Variants in SYT16 observed in about 807,000 individuals in gnomAD.
SYT16 encodes synaptotagmin-16.
A neutral mutation model predicts 61.4 loss-of-function variants in SYT16; 42 were observed. The observed-to-expected ratio is 0.68, with a 90% confidence interval of 0.53 to 0.89. The LOEUF (loss-of-function observed/expected upper bound fraction) is 0.89. Ranked by LOEUF, SYT16 falls within the 40% of genes least tolerant of loss-of-function variation. The pLI, the probability that SYT16 is intolerant of heterozygous loss-of-function variation, is 0.00. For missense variants in SYT16, 804 were observed against 807.3 expected (o/e 1.00, Z 0.05); for synonymous variants, 314 against 302.3 (o/e 1.04, Z -0.40).
At chr14:62,054,228 A>G (rs891197202) in intron 3 of SYT16, among the ~76,000 whole-genome samples, 1 of 151,662 alleles carries the variant, frequency 6.6e-6, no homozygotes, top group Non-Finnish European at 1.5e-5. Flanking sequence ...TTATTATTAG[A>G]TTTTATCAGG....
intron 1 of SYT16, among the ~76,000 whole-genome samples, chr14:61,928,868 G>A (rs1040831493): frequency 3.9e-5 from 6 of 152,120 alleles, no homozygotes; most frequent in Admixed American, 6.6e-5. Flanking sequence ...ATAAAAGCAC[G>A]TCCCAAAGCA....
intron 3 of SYT16, among the ~76,000 whole-genome samples, chr14:62,005,266 T>G (rs890438540): frequency 6.6e-6 from 1 of 152,168 alleles, no homozygotes; most frequent in Non-Finnish European, 1.5e-5. Context: ...TTCCTAGTCC[T>G]TTGGGAAGAA....
chr14:62,026,392 G>C (rs1301646620), intron 3 of SYT16, among the ~76,000 whole-genome samples: 1 of 152,162 alleles, frequency 6.6e-6, no homozygotes, highest in Non-Finnish European at 1.5e-5. Context: ...ACTGGTATCT[G>C]GTGTCTGGTG....
At chr14:61,889,201 G>A (rs1011961723) in intron 1 of SYT16, among the ~76,000 whole-genome samples, 2 of 152,190 alleles carry the variant, frequency 1.3e-5, no homozygotes, top group Non-Finnish European at 2.9e-5. Flanking sequence ...TAACCACTGA[G>A]CAGGGTAGGG....
chr14:61,851,999 T>C (rs1187580857), intron 1 of SYT16, among the ~76,000 whole-genome samples: 1 of 152,202 alleles, frequency 6.6e-6, no homozygotes. Flanking sequence ...CTGAATTCAA[T>C]GCCTATATCC....
At chr14:62,078,155 C>CTCTCTCTCTCTCTATATA (rs766089633) in intron 5 of SYT16, among the ~76,000 whole-genome samples, 2 of 136,006 alleles carry the variant, frequency 1.5e-5, no homozygotes, top group African/African-American at 5.7e-5. Context: ...CTCTCTCTCT[C>CTCTCTCTCTCTCTATATA]TATATATATA....
At chr14:62,004,348 A>T (rs10148881) in intron 3 of SYT16, among the ~76,000 whole-genome samples, 1 of 151,966 alleles carries the variant, frequency 6.6e-6, no homozygotes, top group South Asian at 2.1e-4. Context: ...TGAGAACAGC[A>T]TGGGGGAAAC....
intron 1 of SYT16, 48 bp from the exon 2 acceptor site, chr14:61,970,084 G>A (rs1278296973): frequency 2.0e-5 from 3 of 152,142 alleles, no homozygotes; most frequent in Admixed American, 6.5e-5. Context: ...CTGAAACTTA[G>A]GTCATTCTCA....
Position 62,093,935 on chromosome 14 carries a change from G to T in SYT16, c.1625-6459G>T, listed in dbSNP as rs147757620. Among the ~76,000 whole-genome samples, 782 of 152,192 alleles carry T rather than the reference G, an allele frequency of 5.1e-3. 5 individuals carry two copies. Among genetic ancestry groups the T allele is most frequent in the Non-Finnish European group, 8.4e-3 (570 of 67,960 alleles). On this transcript the variant is annotated intron_variant, in intron 7 of 7. Transcript: ENST00000683842. Reference sequence around the variant, plus strand: ...TACAGTCCAAAGTAGTTATGTGACTGTTCTCTAAGCTGTAACTCAGACATA... The same window carrying T: ...TACAGTCCAAAGTAGTTATGTGACTTTTCTCTAAGCTGTAACTCAGACATA...
At chr14:62,095,480 A>G (rs2057241301) in intron 7 of SYT16, among the ~76,000 whole-genome samples, 1 of 152,004 alleles carries the variant, frequency 6.6e-6, no homozygotes, top group Admixed American at 6.6e-5. Context: ...GAGCTTTAAA[A>G]TGTTACTATT....
intron 1 of SYT16, among the ~76,000 whole-genome samples, chr14:61,927,566 A>G (rs992246862): frequency 4.6e-5 from 7 of 152,334 alleles, no homozygotes; most frequent in East Asian, 1.9e-4. Context: ...AGACAGAACT[A>G]ATAATGCCAT....
intron 3 of SYT16, among the ~76,000 whole-genome samples, chr14:62,057,256 A>G (rs140235456): frequency 1.3e-5 from 2 of 152,358 alleles, no homozygotes; most frequent in East Asian, 1.9e-4. Flanking sequence ...AGTCCAATCA[A>G]GTTGACACTC....
chr14:61,971,349 GCAGTTAGAATGTCATCTCAAGGCTT>G (rs71449572), intron 2 of SYT16, among the ~76,000 whole-genome samples: 22,686 of 152,130 alleles, frequency 0.15, 2,255 homozygotes, highest in South Asian at 0.29. Flanking sequence ...TTGTAAGGCT[GCAGTTAGAATGTCATCTCAAGGCTT>G]CAGTTAGAAT....
intron 1 of SYT16, among the ~76,000 whole-genome samples, chr14:61,959,989 C>A (rs1330997691): frequency 6.6e-6 from 1 of 152,110 alleles, no homozygotes; most frequent in Non-Finnish European, 1.5e-5. Context: ...GTCTATGCCA[C>A]CATGCCTGAC....
At chr14:62,045,496 C>A (rs1175019784) in intron 3 of SYT16, among the ~76,000 whole-genome samples, 1 of 152,044 alleles carries the variant, frequency 6.6e-6, no homozygotes, top group Non-Finnish European at 1.5e-5. Context: ...TACGTGTACA[C>A]AACGTGCAGG....
At chr14:61,932,125 C>G (rs1313479600) in intron 1 of SYT16, among the ~76,000 whole-genome samples, 1 of 152,190 alleles carries the variant, frequency 6.6e-6, no homozygotes, top group Non-Finnish European at 1.5e-5. Context: ...CTGTGGCCAC[C>G]AGCCAGCACA....
chr14:61,998,389 A>G (rs2052856760), intron 3 of SYT16, among the ~76,000 whole-genome samples: 1 of 151,892 alleles, frequency 6.6e-6, no homozygotes, highest in East Asian at 1.9e-4. Context: ...GTGTGGATAC[A>G]TTTTTAGCCT....
At chr14:62,024,113 A>G (rs1239212472) in intron 3 of SYT16, among the ~76,000 whole-genome samples, 1 of 152,098 alleles carries the variant, frequency 6.6e-6, no homozygotes, top group South Asian at 2.1e-4. Context: ...CAATATCTTT[A>G]TGGTCATAAT....
chr14:62,059,470 C>CT (rs146166408), intron 3 of SYT16, among the ~76,000 whole-genome samples: 16,438 of 151,670 alleles, frequency 0.11, 2,283 homozygotes, highest in African/African-American at 0.32. Flanking sequence ...TATGGTTTGC[C>CT]TTTTTGTAAA....
Sources: allele counts gnomAD v4.1 joint callset (sites outside exome capture counted in the v4.1 genomes callset), GRCh38; gene constraint gnomAD v4.1.1; transcripts MANE v1.5; gene names NCBI Gene and HGNC (gene_info 2026-07-23, HGNC 2026-07-21).